Variants in ADAMTS14 observed in about 807,000 individuals in gnomAD.
ADAMTS14 encodes A disintegrin and metalloproteinase with thrombospondin motifs 14.
Under a neutral mutation model 128.6 loss-of-function variants are expected in ADAMTS14, and 100 were observed. The ratio of observed to expected loss-of-function variants is 0.78; its 90% confidence interval spans 0.66 to 0.92. The LOEUF (loss-of-function observed/expected upper bound fraction) is 0.92, where lower values mean the gene tolerates loss of function less well. ADAMTS14 is among the 40% of genes least tolerant of loss of function. The pLI is 0.00. For missense variants in ADAMTS14, 1,562 were observed against 1,658.6 expected, an observed-to-expected ratio of 0.94 and a Z score of 1.01; for synonymous variants, 665 against 653.8, an observed-to-expected ratio of 1.02 and a Z score of -0.26.
chr10:70,710,152 T>C (rs1840801691), intron 4 of ADAMTS14, among the ~76,000 whole-genome samples: 1 of 152,180 alleles, frequency 6.6e-6, no homozygotes, highest in Non-Finnish European at 1.5e-5. Context: ...CATGGGACAC[T>C]GTGCAGTCCA....
chr10:70,703,563 C>T (rs1029016602), intron 3 of ADAMTS14, among the ~76,000 whole-genome samples: 2 of 152,150 alleles, frequency 1.3e-5, no homozygotes, highest in African/African-American at 4.8e-5. Context: ...TGAGCACTGG[C>T]GTGGATTTCA....
chr10:70,708,377 C>T (rs1840729257), intron 3 of ADAMTS14, among the ~76,000 whole-genome samples: 1 of 152,208 alleles, frequency 6.6e-6, no homozygotes, highest in Non-Finnish European at 1.5e-5. Flanking sequence ...CTTTGCTACT[C>T]ATTGCTTCAA....
chr10:70,699,233 A>C (rs903550230), intron 2 of ADAMTS14, among the ~76,000 whole-genome samples: 1 of 152,204 alleles, frequency 6.6e-6, no homozygotes, highest in African/African-American at 2.4e-5. Context: ...ACTTTGGGCC[A>C]GTTACTTAAC....
In ADAMTS14 at chr10:70,760,813, A is replaced by C; in HGVS notation, c.3632A>C (p.His1211Pro). The change falls in exon 22 of 22, where the codon CAT becomes CCT. Residue 1211 changes from histidine (H) to proline (P), a missense_variant. Physicochemically the swap from His to Pro is moderately conservative, Grantham distance 77 (BLOSUM62 -2). Coordinates refer to ENST00000373207, the MANE Select transcript of ADAMTS14 (RefSeq NM_080722.4). ...DKGQPGEDLR[H>P]PGTSLPAASP... is the part of the protein sequence containing the mutation. ...GGGCAACCTGGAGAAGACCTGAGAC[A>C]TCCCGGCACCAGCCTCCCTGCTGCC... is the stretch of plus-strand genomic sequence containing the variant. The C allele has an allele frequency of 6.3e-7, 1 of 1,591,982 alleles. No individual in the cohort carries two copies. Among genetic ancestry groups the C allele is most frequent in the East Asian group, 2.2e-5 (1 of 44,528 alleles).
rs1839516868 is a variant in ADAMTS14 at position 70,672,716 on chromosome 10, C to G, written c.-87C>G. On this transcript the variant is annotated 5_prime_UTR_variant, in exon 1 of 22. Transcript: ENST00000373207. ...CGGCGGCAGCCAGCCGGTGCTCCGACAGCCCGGGGCGCACCCTAGCCTCGC... is the reference window on the plus strand; with the variant it reads ...CGGCGGCAGCCAGCCGGTGCTCCGAGAGCCCGGGGCGCACCCTAGCCTCGC... The G allele has an allele frequency of 5.2e-6, 7 of 1,345,908 alleles. No individual in the cohort carries two copies. In the South Asian group the frequency reaches 1.1e-4, roughly 21 times the overall value. 83.4% of individuals were successfully genotyped at this position (1,345,908 alleles called of 1,614,324 possible).
intron 4 of ADAMTS14, among the ~76,000 whole-genome samples, chr10:70,726,914 T>C (rs1841451205): frequency 2.0e-5 from 3 of 152,216 alleles, no homozygotes; most frequent in South Asian, 4.1e-4. Flanking sequence ...CTGCTGCTCG[T>C]TGGACTATGG....
At chr10:70,685,077 C>T (rs927455402) in intron 2 of ADAMTS14, among the ~76,000 whole-genome samples, 1 of 152,234 alleles carries the variant, frequency 6.6e-6, no homozygotes, top group Non-Finnish European at 1.5e-5. Flanking sequence ...TCCTCTGTGT[C>T]TTCAGGCACT....
chr10:70,753,902 C>A lies in ADAMTS14; in HGVS notation c.2832C>A (p.His944Gln). ...QCLLPLSNGT[H>Q]KVMPAKACAG... ...TGCTGCCCCTCTCCAATGGAACCCACAAGGTCATGCCGGCCAAAGCCTGCG... is the reference window on the plus strand; with the variant it reads ...TGCTGCCCCTCTCCAATGGAACCCAAAAGGTCATGCCGGCCAAAGCCTGCG... The change falls in exon 19 of 22, where the codon CAC (histidine) becomes CAA (glutamine). Residue 944 changes from histidine (H) to glutamine (Q), a missense_variant. Physicochemically the swap from His to Gln is conservative, Grantham distance 24 (BLOSUM62 0). Coordinates refer to ENST00000373207, the MANE Select transcript of ADAMTS14 (RefSeq NM_080722.4). 1 of 1,591,870 alleles carries A rather than the reference C, an allele frequency of 6.3e-7. No individual in the cohort carries two copies. Among genetic ancestry groups the A allele is most frequent in the Non-Finnish European group, 8.5e-7 (1 of 1,170,194 alleles).
intron 4 of ADAMTS14, among the ~76,000 whole-genome samples, chr10:70,728,433 G>C (rs1049941820): frequency 6.6e-6 from 1 of 152,172 alleles, no homozygotes; most frequent in Non-Finnish European, 1.5e-5. Flanking sequence ...CATAAACAAG[G>C]TTATTTAAAA....
At position 70,690,321 on chromosome 10, in the gene ADAMTS14, A is replaced by G. The variant is rs1018123718; in HGVS notation, c.523-11991A>G. Among the ~76,000 whole-genome samples the G allele has an allele frequency of 4.8e-5, 7 of 144,568 alleles. 1 individual carries two copies. Among genetic ancestry groups the G allele is most frequent in the African/African-American group, 1.7e-4 (7 of 40,854 alleles). The allele number at this position is 144,568 out of a possible 152,430, so 94.8% of individuals were successfully genotyped here. ...CTGGTCCCTGGGCAGGGTTAAGGAC[A>G]GGACCATGCCACCTGTCTGGGGTCT... is the stretch of plus-strand genomic sequence containing the variant. On this transcript the variant is annotated intron_variant, in intron 2 of 21. Coordinates refer to ENST00000373207, the MANE Select transcript of ADAMTS14 (RefSeq NM_080722.4).
intron 15 of ADAMTS14, among the ~76,000 whole-genome samples, chr10:70,747,682 G>A (rs1291987508): frequency 6.6e-6 from 1 of 152,212 alleles, no homozygotes; most frequent in Non-Finnish European, 1.5e-5. Context: ...TCCGGGGCAG[G>A]CCGAGTGCGG....
rs1842367064 is a variant in ADAMTS14, at chr10:70,752,098, T to C, written c.2600T>C (p.Ile867Thr). The C allele has an allele frequency of 6.2e-7, 1 of 1,612,558 alleles. No individual in the cohort carries two copies. Among genetic ancestry groups the C allele is most frequent in the Admixed American group, 1.7e-5 (1 of 59,934 alleles). ...APCSKACGGG[I>T]QFTKYGCRRR... ...CGGCAGCCTGCCCACCCCATAGGGATCCAGTTCACCAAATACGGCTGCCGG... is the reference window on the plus strand; with the variant it reads ...CGGCAGCCTGCCCACCCCATAGGGACCCAGTTCACCAAATACGGCTGCCGG... The change falls in exon 18 of 22, where the codon ATC becomes ACC. Residue 867 changes from isoleucine (I) to threonine (T), a missense_variant. Physicochemically the swap from Ile to Thr is moderately conservative, Grantham distance 89. Coordinates refer to ENST00000373207, the MANE Select transcript of ADAMTS14 (RefSeq NM_080722.4).
At chr10:70,744,764 A>G (rs1842124726) in intron 14 of ADAMTS14, among the ~76,000 whole-genome samples, 1 of 152,130 alleles carries the variant, frequency 6.6e-6, no homozygotes, top group Admixed American at 6.5e-5. Context: ...TGTTGGGGAC[A>G]AGGTTGGTGG....
At chr10:70,717,256 A>G (rs1841084105) in intron 4 of ADAMTS14, among the ~76,000 whole-genome samples, 1 of 152,120 alleles carries the variant, frequency 6.6e-6, no homozygotes, top group Non-Finnish European at 1.5e-5. Context: ...CAAGGAGCTT[A>G]GAGGGGGTGC....
chr10:70,732,459 A>G (rs1841675883), intron 7 of ADAMTS14, 100 bp downstream of exon 7: 1 of 1,044,086 alleles, frequency 9.6e-7, no homozygotes, highest in Middle Eastern at 2.1e-4. Flanking sequence ...GCCTGGTTCC[A>G]GTGTCCTGGG....
In ADAMTS14 at chr10:70,708,608, C is replaced by G; in HGVS notation, c.700C>G (p.Pro234Ala). ...TCCAGCCTTTGGCCTGGGAGACCTT[C>G]CCAACCTGCTGGGCCTGGTGGGGGA... ...HNEAFGLGDL[P>A]NLLGLVGDQL... Residue 234 changes from proline (P) to alanine (A), a missense_variant, in exon 4 of 22, where the codon CCC becomes GCC. Physicochemically the swap from Pro to Ala is conservative, Grantham distance 27. Coordinates refer to ENST00000373207, the MANE Select transcript of ADAMTS14 (RefSeq NM_080722.4). 6.2e-7 allele frequency: 1 copy of G among 1,607,492 alleles called. No homozygotes were observed. Among genetic ancestry groups the G allele is most frequent in the Non-Finnish European group, 8.5e-7 (1 of 1,174,810 alleles).
intron 12 of ADAMTS14, 91 bp downstream of exon 12, chr10:70,741,253 A>C: frequency 2.1e-6 from 3 of 1,431,948 alleles, no homozygotes; most frequent in Non-Finnish European, 2.8e-6. Context: ...CCCTACATAC[A>C]CCAGTGAAGG....
intron 2 of ADAMTS14, among the ~76,000 whole-genome samples, chr10:70,676,191 A>G (rs1369602907): frequency 1.3e-5 from 2 of 149,660 alleles, no homozygotes; most frequent in African/African-American, 2.5e-5. Context: ...TGCAGTGGCT[A>G]TTCACAGGCA....
intron 4 of ADAMTS14, among the ~76,000 whole-genome samples, chr10:70,717,652 G>T (rs971308627): frequency 1.3e-5 from 2 of 152,168 alleles, no homozygotes; most frequent in Non-Finnish European, 2.9e-5. Context: ...TGGGGATATT[G>T]GGGAACCTCC....
Sources: allele counts gnomAD v4.1 joint callset (sites outside exome capture counted in the v4.1 genomes callset), GRCh38; gene constraint gnomAD v4.1.1; transcripts MANE v1.5; gene names NCBI Gene and HGNC (gene_info 2026-07-23, HGNC 2026-07-21).